SRRD: variants seen among roughly 807,000 people sequenced by gnomAD.
SRRD encodes the protein SRR1-like protein.
Under a neutral mutation model 30.7 loss-of-function variants are expected in SRRD, and 28 were observed. The observed-to-expected ratio is 0.91, with a 90% CI of 0.68 to 1.25. The LOEUF is 1.25. Among genes scored for constraint, SRRD ranks in the 50% most tolerant of loss-of-function variants. The probability of loss-of-function intolerance (pLI) is 0.00; values close to 1 mark genes in which losing one functional copy is unlikely to be tolerated. For synonymous variants in SRRD, 161 were observed against 159.6 expected (o/e 1.01, Z -0.07); for missense variants, 415 against 417.3 (o/e 0.99, Z 0.05).
At position 26,493,737 on chromosome 22, in the gene SRRD, G is replaced by A. The variant is rs977984111; in HGVS notation, c.*2065G>A. On this transcript the variant is annotated 3_prime_UTR_variant, in exon 7 of 7. Transcript: ENST00000215917. ...ACTGTTTAACAGGTAAAATGGGGCT[G>A]ATTAAGGCTGAGCAATCACCAAGTG... 27 of 206,292 alleles carry A rather than the reference G, an allele frequency of 1.3e-4. No homozygotes were observed. The highest frequency in any genetic ancestry group is 1.3e-3 in the Admixed American group (24 of 18,990). 12.8% of individuals were successfully genotyped at this position (206,292 alleles called of 1,614,324 possible).
Position 26,494,023 on chromosome 22 carries a change from T to C in SRRD, c.*2351T>C, listed in dbSNP as rs544668537. 1 of 1,197,408 alleles carries C rather than the reference T, an allele frequency of 8.4e-7. No individual in the cohort carries two copies. Among genetic ancestry groups the C allele is most frequent in the East Asian group, 2.4e-5 (1 of 41,144 alleles). The allele number at this position is 1,197,408 out of a possible 1,614,324, so 74.2% of individuals were successfully genotyped here. Reference sequence around the variant, plus strand: ...GAGAGTCTGTTGCTATGTGCAAAAGTGTGACCTAAGGTTTAGGCTGCCTAC... The same window carrying C: ...GAGAGTCTGTTGCTATGTGCAAAAGCGTGACCTAAGGTTTAGGCTGCCTAC... On this transcript the variant is annotated 3_prime_UTR_variant, in exon 7 of 7. Transcript: ENST00000215917.
At chr22:26,487,277 TG>T (rs2091715781) in intron 2 of SRRD, among the ~76,000 whole-genome samples, 2 of 152,212 alleles carry the variant, frequency 1.3e-5, no homozygotes, top group African/African-American at 4.8e-5. Context: ...CGGCTTTTTT[TG>T]TTTTGCTAAA....
chr22:26,491,998 T>C lies in SRRD; in HGVS notation c.*326T>C, dbSNP rs766014682. 5.8e-5 allele frequency: 92 copies of C among 1,574,112 alleles called. No homozygotes were observed. The East Asian group carries it at 1.0e-3, about 18-fold the overall frequency. The stretch of plus-strand genomic sequence containing the variant: ...TTAGGGGCAAGTCTCTGACTGGTTC[T>C]GGACCTGCCACAGTTCACTTGGCCA... On this transcript the variant is annotated 3_prime_UTR_variant, in exon 7 of 7. Transcript: ENST00000215917.
In SRRD at chr22:26,491,873, C is replaced by A; in HGVS notation, c.*201C>A. 1.0e-6 allele frequency: 1 copy of A among 999,318 alleles called. No individual in the cohort carries two copies. The highest frequency in any genetic ancestry group is 1.4e-6 in the Non-Finnish European group (1 of 691,830). The allele number at this position is 999,318 out of a possible 1,614,324, so 61.9% of individuals were successfully genotyped here. On this transcript the variant is annotated 3_prime_UTR_variant, in exon 7 of 7. Transcript: ENST00000215917. Reference sequence around the variant, plus strand: ...ACGTGGCATTGTCCCATTTTACATCCTTCCCTCATGACCTGGCCTGATGTG... The same window carrying A: ...ACGTGGCATTGTCCCATTTTACATCATTCCCTCATGACCTGGCCTGATGTG...
rs1921358292 is a variant in SRRD, at chr22:26,492,656, CAG to C, written c.*989_*990del. ...CTTCCTTCAGAGCTGGAAACATTAA[CAG>C]AGAGTCCTCAGCCACTCTTCTGTTC... On this transcript the variant is annotated 3_prime_UTR_variant, in exon 7 of 7. Coordinates refer to ENST00000215917, the MANE Select transcript of SRRD (RefSeq NM_001013694.3). 1 of 386,132 alleles carries C rather than the reference CAG, an allele frequency of 2.6e-6. No homozygotes were observed. 23.9% of individuals were successfully genotyped at this position (386,132 alleles called of 1,614,324 possible).
intron 6 of SRRD, 103 bp from the exon 7 acceptor site, chr22:26,491,360 T>A (rs1489231224): frequency 2.0e-5 from 20 of 993,526 alleles, no homozygotes; most frequent in Non-Finnish European, 3.0e-5. Context: ...GTTATTTTTT[T>A]AAAAAGTAAA....
In SRRD at chr22:26,490,108, T is replaced by C; in HGVS notation, c.674T>C (p.Leu225Ser). 3.1e-6 allele frequency: 5 copies of C among 1,614,148 alleles called. No individual in the cohort carries two copies. The highest frequency in any genetic ancestry group is 4.2e-6 in the Non-Finnish European group (5 of 1,180,006). Residue 225 changes from leucine to serine, a missense_variant, in exon 5 of 7, where the codon TTG (leucine) becomes TCG (serine). Physicochemically the swap from Leu to Ser is moderately radical, Grantham distance 145. Transcript: ENST00000215917. ...IFYMLHCGTA[L>S]YNNLLWSNWS... Reference sequence around the variant, plus strand: ...TACATGCTCCATTGTGGGACGGCCTTGTACAACAATCTTTTATGGAGTAAC... The same window carrying C: ...TACATGCTCCATTGTGGGACGGCCTCGTACAACAATCTTTTATGGAGTAAC...
At chr22:26,491,370 AGT>A (rs942998384) in intron 6 of SRRD, 91 bp from the exon 7 acceptor site, 2 of 1,028,764 alleles carry the variant, frequency 1.9e-6, no homozygotes, top group Non-Finnish European at 2.9e-6. Context: ...TAAAAAGTAA[AGT>A]GGGGATGACA....
rs1178843338 is a variant in SRRD at position 26,488,455 on chromosome 22, C to T, written c.576C>T (p.Asn192=). The T allele has an allele frequency of 6.2e-7, 1 of 1,614,106 alleles. No individual in the cohort carries two copies. Among genetic ancestry groups the T allele is most frequent in the Non-Finnish European group, 8.5e-7 (1 of 1,179,938 alleles). ...LFSQLEIEVL[N]TLGVTVLSEN... is the part of the protein sequence containing the mutation. Reference sequence around the variant, plus strand: ...GCCAACTTGAAATTGAAGTCCTTAACACCCTTGGTGTGACTGTTCTCAGTG... The same window carrying T: ...GCCAACTTGAAATTGAAGTCCTTAATACCCTTGGTGTGACTGTTCTCAGTG... The change falls in exon 4 of 7, where the codon AAC becomes AAT. Residue 192 remains asparagine, a synonymous_variant. Coordinates refer to ENST00000215917, the MANE Select transcript of SRRD (RefSeq NM_001013694.3).
intron 6 of SRRD, 33 bp from the exon 7 acceptor site, chr22:26,491,430 C>G: frequency 6.5e-7 from 1 of 1,534,906 alleles, no homozygotes; most frequent in Non-Finnish European, 9.0e-7. Flanking sequence ...CTGTGACTAT[C>G]TGAAGTTTTT....
chr22:26,487,010 C>T (rs114447141), intron 2 of SRRD, among the ~76,000 whole-genome samples: 3,210 of 151,642 alleles, frequency 0.021, 102 homozygotes, highest in African/African-American at 0.075. Flanking sequence ...CAATTTCCAC[C>T]TCCTGGGTTC....
In SRRD at chr22:26,492,016, C is replaced by T. The variant is rs752559901; in HGVS notation, c.*344C>T. On this transcript the variant is annotated 3_prime_UTR_variant, in exon 7 of 7. Transcript: ENST00000215917. Reference sequence around the variant, plus strand: ...CTGGTTCTGGACCTGCCACAGTTCACTTGGCCATGTCGATCAGGCTCTGCA... The same window carrying T: ...CTGGTTCTGGACCTGCCACAGTTCATTTGGCCATGTCGATCAGGCTCTGCA... 3 of 1,591,852 alleles carry T rather than the reference C, an allele frequency of 1.9e-6. No homozygotes were observed. The highest frequency in any genetic ancestry group is 2.7e-5 in the African/African-American group (2 of 74,380).
chr22:26,488,384 T>C lies in SRRD; in HGVS notation c.511-6T>C, dbSNP rs757948145. The C allele has an allele frequency of 1.9e-6, 3 of 1,614,136 alleles. No individual in the cohort carries two copies. The South Asian group carries it at 3.3e-5, about 18-fold the overall frequency. On this transcript the variant is annotated splice_region_variant and splice_polypyrimidine_tract_variant and intron_variant, in intron 3 of 6. Transcript: ENST00000215917. ...TTGAAGTAAACAACTCATTCTTCCC[T>C]TCTAGATTCCCAGAAGTCACTGTTG...
intron 4 of SRRD, among the ~76,000 whole-genome samples, chr22:26,488,852 G>A (rs1029501612): frequency 6.6e-6 from 1 of 152,228 alleles, no homozygotes; most frequent in African/African-American, 2.4e-5. Context: ...CTGTCCCAGG[G>A]AGGTAATAAA....
rs954995352 is a variant in SRRD at position 26,485,719 on chromosome 22, A to C, written c.210-304A>C. ...GAAAGGCTAATTCTGAGCACTTAACAACCATTTATTGAGCTGCAATTCTAT... is the reference window on the plus strand; with the variant it reads ...GAAAGGCTAATTCTGAGCACTTAACCACCATTTATTGAGCTGCAATTCTAT... On this transcript the variant is annotated intron_variant, in intron 1 of 6. Coordinates refer to ENST00000215917, the MANE Select transcript of SRRD (RefSeq NM_001013694.3). 3.9e-5 allele frequency among the ~76,000 whole-genome samples: 6 copies of C among 152,030 alleles called. No individual in the cohort carries two copies. In the South Asian group the frequency reaches 1.0e-3, roughly 26 times the overall value.
At chr22:26,491,203 C>G (rs1354958654) in intron 6 of SRRD, 133 bp downstream of exon 6, 4 of 940,408 alleles carry the variant, frequency 4.3e-6, no homozygotes, top group Non-Finnish European at 6.5e-6. Context: ...CTCCATGGGT[C>G]TGTGTTCCAG....
At position 26,493,437 on chromosome 22, in the gene SRRD, T is replaced by A. The variant is rs1921484976; in HGVS notation, c.*1765T>A. On this transcript the variant is annotated 3_prime_UTR_variant, in exon 7 of 7. Coordinates refer to ENST00000215917, the MANE Select transcript of SRRD (RefSeq NM_001013694.3). ...GGCTCTCAGCCTCGCTGGGCTTATCTGTAAAACACAGACTAGACGATCCCA... is the reference window on the plus strand; with the variant it reads ...GGCTCTCAGCCTCGCTGGGCTTATCAGTAAAACACAGACTAGACGATCCCA... 6.6e-6 allele frequency: 1 copy of A among 152,304 alleles called. No individual in the cohort carries two copies. Among genetic ancestry groups the A allele is most frequent in the South Asian group, 2.1e-4 (1 of 4,828 alleles). The allele number at this position is 152,304 out of a possible 1,614,324, so 9.4% of individuals were successfully genotyped here. A position where few individuals can be genotyped will look rare whatever the true frequency, so the allele number is the denominator to read the frequency against.
chr22:26,486,077 G>A lies in SRRD; in HGVS notation c.250+14G>A, dbSNP rs2091706719. On this transcript the variant is annotated intron_variant, in intron 2 of 6. Transcript: ENST00000215917. ...GTTCAGCACTAGGTGGGTACCACTT[G>A]GCCAATGGTAGGGATTGTGGGGCAG... 6.2e-7 allele frequency: 1 copy of A among 1,614,016 alleles called. No individual in the cohort carries two copies. The highest frequency in any genetic ancestry group is 1.7e-5 in the Admixed American group (1 of 60,002).
Position 26,494,263 on chromosome 22 carries a change from C to T in SRRD, c.*2591C>T, listed in dbSNP as rs145696489. The T allele has an allele frequency of 6.2e-7, 1 of 1,614,150 alleles. No homozygotes were observed. The highest frequency in any genetic ancestry group is 2.2e-5 in the East Asian group (1 of 44,888). ...TCCAACCCAGGTACCACTTGGTGAT[C>T]TCCTCATAATTTGGGCTGTTACTGA... On this transcript the variant is annotated 3_prime_UTR_variant, in exon 7 of 7. Transcript: ENST00000215917.
Sources: gnomAD v4.1 joint callset for allele counts (sites outside exome capture counted in the v4.1 genomes callset) on GRCh38, gnomAD v4.1.1 for gene constraint, MANE v1.5 for transcripts, NCBI Gene and HGNC (gene_info 2026-07-23, HGNC 2026-07-21) for gene names.